CAMTA1: variants seen among roughly 807,000 people sequenced by gnomAD.
CAMTA1 encodes the protein calmodulin-binding transcription activator 1.
In CAMTA1, 27 loss-of-function variants were observed where a neutral mutation model predicts 170.9. The ratio of observed to expected loss-of-function variants is 0.16; its 90% CI spans 0.12 to 0.22. The LOEUF is 0.22. Ranked by LOEUF, CAMTA1 falls within the 10% of genes least tolerant of loss-of-function variation. The probability of loss-of-function intolerance (pLI) is 1.00; values close to 1 mark genes in which losing one functional copy is unlikely to be tolerated. For missense variants in CAMTA1, 1,619 were observed against 2,217.2 expected (o/e 0.73, Z 5.42); for synonymous variants, 833 against 891.5 (o/e 0.93, Z 1.17).
intron 3 of CAMTA1, among the ~76,000 whole-genome samples, chr1:7,079,221 C>A (rs1384502291): frequency 1.3e-5 from 2 of 152,168 alleles, no homozygotes; most frequent in Non-Finnish European, 2.9e-5. Flanking sequence ...GTAGACCCAC[C>A]TTTACAGAGA....
intron 6 of CAMTA1, among the ~76,000 whole-genome samples, chr1:7,598,225 G>C (rs1386271870): frequency 6.6e-6 from 1 of 152,056 alleles, no homozygotes; most frequent in Non-Finnish European, 1.5e-5. Flanking sequence ...TGAGAATAAT[G>C]GTTTCCAGCT....
chr1:7,569,652 C>T (rs1216666945), intron 6 of CAMTA1, among the ~76,000 whole-genome samples: 2 of 149,644 alleles, frequency 1.3e-5, no homozygotes, highest in Admixed American at 1.3e-4. Flanking sequence ...CTATCACCAT[C>T]ATCATATTAT....
chr1:7,723,136 G>A (rs1028774207), intron 11 of CAMTA1, among the ~76,000 whole-genome samples: 2 of 152,000 alleles, frequency 1.3e-5, no homozygotes, highest in African/African-American at 2.4e-5. Flanking sequence ...TCTAAATACC[G>A]TTCTCCAATA....
chr1:7,206,705 G>A (rs1324559829), intron 4 of CAMTA1, among the ~76,000 whole-genome samples: 2 of 152,204 alleles, frequency 1.3e-5, no homozygotes, highest in African/African-American at 2.4e-5. Context: ...GTTTTCCAAA[G>A]GCGTTAATTC....
chr1:6,988,570 G>A (rs1269430626), intron 3 of CAMTA1, among the ~76,000 whole-genome samples: 1 of 152,162 alleles, frequency 6.6e-6, no homozygotes, highest in African/African-American at 2.4e-5. Context: ...AACCCTAGTA[G>A]AAGCAGAAAA....
chr1:7,675,539 G>C (rs927898648), intron 10 of CAMTA1, among the ~76,000 whole-genome samples: 2 of 152,168 alleles, frequency 1.3e-5, no homozygotes, highest in Non-Finnish European at 2.9e-5. Flanking sequence ...GTAAGGAGAA[G>C]GGCTCCCTTG....
intron 3 of CAMTA1, among the ~76,000 whole-genome samples, chr1:7,061,166 T>C (rs1178669674): frequency 6.6e-6 from 1 of 152,208 alleles, no homozygotes; most frequent in East Asian, 1.9e-4. Context: ...ATTTTGTCTT[T>C]GCCCAAAAGA....
At chr1:6,884,076 C>T (rs1406480891) in intron 3 of CAMTA1, among the ~76,000 whole-genome samples, 1 of 151,958 alleles carries the variant, frequency 6.6e-6, no homozygotes, top group East Asian at 1.9e-4. Flanking sequence ...GGAGTGTAGT[C>T]CAGGATTATC....
chr1:7,277,887 A>G (rs1670977198), intron 5 of CAMTA1, among the ~76,000 whole-genome samples: 1 of 152,240 alleles, frequency 6.6e-6, no homozygotes. Context: ...GTGATATCAT[A>G]TACTTAACCT....
chr1:7,060,296 G>A (rs985398859), intron 3 of CAMTA1, among the ~76,000 whole-genome samples: 2 of 152,154 alleles, frequency 1.3e-5, no homozygotes, highest in African/African-American at 4.8e-5. Flanking sequence ...GCCTGCAGAC[G>A]GTGTCTTCTT....
rs1481002453 is a variant in CAMTA1 at position 7,007,654 on chromosome 1, GC to G, written c.235-83647del. Among the ~76,000 whole-genome samples, 1 of 152,142 alleles carries G rather than the reference GC, an allele frequency of 6.6e-6. No homozygotes were observed. The highest frequency in any genetic ancestry group is 6.5e-5 in the Admixed American group (1 of 15,278). On this transcript the variant is annotated intron_variant, in intron 3 of 22. Transcript: ENST00000303635. The surrounding 1 kb of genome is among the most constrained non-coding windows in gnomAD (Gnocchi z 4.5). Reference sequence around the variant, plus strand: ...ACCCAGACTGCCGAGGGGTGGCCGGGCCCTGTCAGTGCTGCGGAGGTGAGCT... The same window carrying G: ...ACCCAGACTGCCGAGGGGTGGCCGGGCCTGTCAGTGCTGCGGAGGTGAGCT...
intron 4 of CAMTA1, among the ~76,000 whole-genome samples, chr1:7,096,964 G>T (rs1642158357): frequency 6.6e-6 from 1 of 152,158 alleles, no homozygotes; most frequent in Non-Finnish European, 1.5e-5. Flanking sequence ...TCTAGGTACT[G>T]CTACAACTGG....
At chr1:7,254,959 C>T (rs190198557) in intron 5 of CAMTA1, among the ~76,000 whole-genome samples, 5 of 152,338 alleles carry the variant, frequency 3.3e-5, no homozygotes, top group African/African-American at 9.6e-5. Context: ...AGAAGGCAAA[C>T]AAACCAGCAG....
At chr1:7,253,273 C>A (rs973115630) in intron 5 of CAMTA1, among the ~76,000 whole-genome samples, 1 of 152,122 alleles carries the variant, frequency 6.6e-6, no homozygotes, top group Non-Finnish European at 1.5e-5. Context: ...ACCCTGGTTC[C>A]GGGGTCACTG....
intron 3 of CAMTA1, among the ~76,000 whole-genome samples, chr1:6,827,289 G>A (rs1477725257): frequency 6.6e-6 from 1 of 152,216 alleles, no homozygotes; most frequent in Non-Finnish European, 1.5e-5. Flanking sequence ...GCTGATGGGT[G>A]AAGCCATGCA....
At chr1:6,855,367 G>A (rs1298723619) in intron 3 of CAMTA1, among the ~76,000 whole-genome samples, 2 of 151,556 alleles carry the variant, frequency 1.3e-5, no homozygotes, top group Admixed American at 6.6e-5. Flanking sequence ...CATGGTGCCG[G>A]CATCTGCTTG....
intron 2 of CAMTA1, among the ~76,000 whole-genome samples, chr1:6,823,999 A>G (rs2148492861): frequency 6.6e-6 from 1 of 152,312 alleles, no homozygotes; most frequent in South Asian, 2.1e-4. Context: ...CCAAGGTCAC[A>G]CAATTAGAAA....
At chr1:7,516,632 A>G (rs1336159316) in intron 6 of CAMTA1, among the ~76,000 whole-genome samples, 1 of 152,218 alleles carries the variant, frequency 6.6e-6, no homozygotes, top group Non-Finnish European at 1.5e-5. Flanking sequence ...CCAAGACAAG[A>G]GGAATGCTAG....
At chr1:6,947,387 T>G (rs1687745388) in intron 3 of CAMTA1, among the ~76,000 whole-genome samples, 2 of 152,214 alleles carry the variant, frequency 1.3e-5, no homozygotes, top group South Asian at 2.1e-4. Context: ...ATTTTTTTTT[T>G]TTTGTTTGAG....
Sources: gnomAD v4.1 joint callset for allele counts (sites outside exome capture counted in the v4.1 genomes callset) on GRCh38, gnomAD v4.1.1 for gene constraint, Gnocchi (gnomAD v3.1) non-coding constraint, MANE v1.5 for transcripts, NCBI Gene and HGNC (gene_info 2026-07-23, HGNC 2026-07-21) for gene names.